Variants in CFI observed in about 807,000 individuals in gnomAD.
CFI encodes the protein C3B/C4B inactivator.
Under a neutral mutation model 78.8 loss-of-function variants are expected in CFI, and 66 were observed. The observed-to-expected ratio is 0.84, with a 90% confidence interval of 0.69 to 1.03. The LOEUF (loss-of-function observed/expected upper bound fraction) is 1.03, where lower values mean the gene tolerates loss of function less well. CFI is among the 50% of genes least tolerant of loss of function. The pLI, the probability that CFI is intolerant of heterozygous loss-of-function variation, is 0.00. For missense variants in CFI, 706 were observed against 704.5 expected, an observed-to-expected ratio of 1.00 and a Z score of -0.02; for synonymous variants, 250 against 232.6, an observed-to-expected ratio of 1.07 and a Z score of -0.68.
intron 7 of CFI, 123 bp downstream of exon 7, chr4:109,757,640 C>A: frequency 1.5e-6 from 1 of 651,322 alleles, no homozygotes; most frequent in South Asian, 1.7e-5. Context: ...AATGTTCAGG[C>A]TGGGTTATTA....
At chr4:109,782,431 CA>C (rs36163689) in intron 1 of CFI, among the ~76,000 whole-genome samples, 33 of 138,100 alleles carry the variant, frequency 2.4e-4, no homozygotes, top group African/African-American at 7.6e-4. Flanking sequence ...ACAATAGCTG[CA>C]AAAAAAAAAA....
chr4:109,791,232 G>T (rs1291192479), intron 1 of CFI, among the ~76,000 whole-genome samples: 2 of 151,914 alleles, frequency 1.3e-5, no homozygotes, highest in Non-Finnish European at 2.9e-5. Flanking sequence ...GATTGCTGCT[G>T]CATATAAGTC....
intron 1 of CFI, among the ~76,000 whole-genome samples, chr4:109,774,404 GAGCA>G (rs138254440): frequency 0.087 from 13,276 of 152,136 alleles, 1,209 homozygotes; most frequent in African/African-American, 0.23. Context: ...GAAGGTGAGG[GAGCA>G]AGCTATGCAG....
intron 1 of CFI, chr4:109,793,451 A>G (rs1731630995): frequency 6.6e-6 from 1 of 152,252 alleles, no homozygotes; most frequent in Non-Finnish European, 1.5e-5. Context: ...TTATTTCTTC[A>G]TATTACTTCA....
chr4:109,766,730 C>G lies in CFI; in HGVS notation c.152G>C (p.Trp51Ser). The G allele has an allele frequency of 2.5e-6, 4 of 1,614,180 alleles. No individual in the cohort carries two copies. Among genetic ancestry groups the G allele is most frequent in the Non-Finnish European group, 3.4e-6 (4 of 1,180,040 alleles). Residue 51 changes from tryptophan to serine, a missense_variant, in exon 2 of 13, where the codon TGG (tryptophan) becomes TCG (serine). By Grantham distance (177) the Trp-to-Ser change is radical (BLOSUM62 -3). Coordinates refer to ENST00000394634, the MANE Select transcript of CFI (RefSeq NM_000204.5). The part of the protein sequence containing the change: ...LSCDKVFCQP[W>S]QRCIEGTCVC... ...ACAGGTGCCCTCAATGCATCTCTGC[C>G]ATGGCTGGCAGAAGACTTTATCGCA... is the stretch of plus-strand genomic sequence containing the variant.
chr4:109,756,741 T>A (rs1726203616), intron 7 of CFI, among the ~76,000 whole-genome samples: 1 of 151,430 alleles, frequency 6.6e-6, no homozygotes, highest in African/African-American at 2.4e-5. Flanking sequence ...GTGCCTGTAA[T>A]CTCAGCTACT....
intron 1 of CFI, among the ~76,000 whole-genome samples, chr4:109,782,209 C>G (rs559493544): frequency 6.6e-6 from 1 of 152,044 alleles, no homozygotes; most frequent in East Asian, 1.9e-4. Flanking sequence ...TATGGGCATC[C>G]AAACCGGTAA....
At chr4:109,768,623 G>T (rs557182873) in intron 1 of CFI, among the ~76,000 whole-genome samples, 2 of 152,136 alleles carry the variant, frequency 1.3e-5, no homozygotes, top group Non-Finnish European at 2.9e-5. Context: ...GCCAATCTGC[G>T]AAGAAAAGCC....
intron 1 of CFI, among the ~76,000 whole-genome samples, chr4:109,789,165 A>G (rs1023174422): frequency 4.6e-5 from 7 of 152,004 alleles, no homozygotes; most frequent in African/African-American, 1.7e-4. Flanking sequence ...ATTTTAAAAA[A>G]TAAAAAAATT....
At chr4:109,742,421 G>T in intron 12 of CFI, 70 bp downstream of exon 12, 1 of 1,011,726 alleles carries the variant, frequency 9.9e-7, no homozygotes, top group Non-Finnish European at 1.6e-6. Flanking sequence ...GGGCTGATGT[G>T]GTGGGAGGAG....
chr4:109,775,972 C>T (rs1483115389), intron 1 of CFI, among the ~76,000 whole-genome samples: 6 of 152,162 alleles, frequency 3.9e-5, no homozygotes, highest in African/African-American at 1.4e-4. Context: ...CACACCAAAA[C>T]CCCATCTGTA....
chr4:109,799,413 C>T (rs1241192437), intron 1 of CFI, among the ~76,000 whole-genome samples: 1 of 152,218 alleles, frequency 6.6e-6, no homozygotes, highest in Non-Finnish European at 1.5e-5. Flanking sequence ...CTTCTCTGTT[C>T]TTTCCAGTGC....
At chr4:109,751,438 CT>C (rs66497003) in intron 8 of CFI, among the ~76,000 whole-genome samples, 17,762 of 99,270 alleles carry the variant, frequency 0.18, 458 homozygotes, top group Admixed American at 0.27. Flanking sequence ...AGAGCTAAAT[CT>C]TTTTTTTTTT....
intron 2 of CFI, among the ~76,000 whole-genome samples, chr4:109,765,325 A>C (rs1370826829): frequency 6.6e-6 from 1 of 152,230 alleles, no homozygotes; most frequent in East Asian, 1.9e-4. Context: ...TGTTTTAAGC[A>C]TTCCTTAGGT....
intron 8 of CFI, among the ~76,000 whole-genome samples, chr4:109,749,966 A>G (rs1724943744): frequency 6.6e-6 from 1 of 152,028 alleles, no homozygotes; most frequent in Admixed American, 6.6e-5. Flanking sequence ...AGGGTAAACT[A>G]ACAACATGGC....
chr4:109,737,479 G>A (rs1275586004), downstream of CFI, among the ~76,000 whole-genome samples: 3 of 152,166 alleles, frequency 2.0e-5, no homozygotes, highest in Non-Finnish European at 4.4e-5. Context: ...AGGTGCAGCC[G>A]CATAATTTAT....
chr4:109,793,716 G>T (rs1288177574), intron 1 of CFI: 1 of 152,198 alleles, frequency 6.6e-6, no homozygotes, highest in African/African-American at 2.4e-5. Context: ...AGAGAGATGG[G>T]CTCCTGCTGT....
At position 109,757,762 on chromosome 4, in the gene CFI, C is replaced by T. The variant is rs1303038263; in HGVS notation, c.904+1G>A. The stretch of plus-strand genomic sequence containing the variant: ...TCCCCAAATTTTAATAAAAATTTTA[C>T]CTTGAGTCACAGATGCAAAGCCTGA... On this transcript the variant is annotated splice_donor_variant, in intron 7 of 12. Coordinates refer to ENST00000394634, the MANE Select transcript of CFI (RefSeq NM_000204.5). LOFTEE classifies it high-confidence loss of function. 7.0e-7 allele frequency: 1 copy of T among 1,437,408 alleles called. No homozygotes were observed. Among genetic ancestry groups the T allele is most frequent in the East Asian group, 2.3e-5 (1 of 43,300 alleles). The allele number at this position is 1,437,408 out of a possible 1,614,324, so 89.0% of individuals were successfully genotyped here. A position where few individuals can be genotyped will look rare whatever the true frequency, so the allele number is the denominator to read the frequency against.
rs1579340063 is a variant in CFI at position 109,801,994 on chromosome 4, G to T, written c.-23C>A. The T allele has an allele frequency of 6.3e-7, 1 of 1,588,310 alleles. No homozygotes were observed. The highest frequency in any genetic ancestry group is 2.2e-5 in the East Asian group (1 of 44,710). ...CATGTTGGAGGTGTTCGGGGTCTTTGTCTCTGCTGAGAACTCTTTTCCACT... is the reference window on the plus strand; with the variant it reads ...CATGTTGGAGGTGTTCGGGGTCTTTTTCTCTGCTGAGAACTCTTTTCCACT... On this transcript the variant is annotated 5_prime_UTR_variant, in exon 1 of 13. Coordinates refer to ENST00000394634, the MANE Select transcript of CFI (RefSeq NM_000204.5).
Sources: gnomAD v4.1 joint callset for allele counts (sites outside exome capture counted in the v4.1 genomes callset) on GRCh38, gnomAD v4.1.1 for gene constraint, MANE v1.5 for transcripts, NCBI Gene and HGNC (gene_info 2026-07-23, HGNC 2026-07-21) for gene names.